The following EDA variants were observed in gnomAD, a reference collection of about 807,000 sequenced individuals.
The protein encoded by EDA is ectodysplasin A, also known as ectodysplasin-A.
A neutral mutation model predicts 23.6 loss-of-function variants in EDA; 2 were observed. The ratio of observed to expected loss-of-function variants is 0.08; its 90% CI spans 0.03 to 0.27. EDA has a LOEUF of 0.27. EDA is among the 10% of genes least tolerant of loss of function. The pLI, the probability that EDA is intolerant of heterozygous loss-of-function variation, is 1.00. For missense variants in EDA, 229 were observed against 324.2 expected, an observed-to-expected ratio of 0.71 and a Z score of 2.26; for synonymous variants, 131 against 132.0, an observed-to-expected ratio of 0.99 and a Z score of 0.05.
intron 1 of EDA, among the ~76,000 whole-genome samples, chrX:69,815,720 C>T (rs2016065749): frequency 8.9e-6 from 1 of 112,407 alleles, no homozygotes; most frequent in Non-Finnish European, 1.9e-5. Flanking sequence ...GGGGCGGCTG[C>T]CACCTCCACA....
At chrX:69,646,937 T>C (rs1006798187) in intron 1 of EDA, among the ~76,000 whole-genome samples, 1 of 111,770 alleles carries the variant, frequency 8.9e-6, no homozygotes, top group Non-Finnish European at 1.9e-5. Flanking sequence ...ATCTTATTTC[T>C]CCTTCACTTA....
intron 1 of EDA, among the ~76,000 whole-genome samples, chrX:69,693,654 G>T (rs1457339430): frequency 9.0e-6 from 1 of 111,536 alleles, no homozygotes; most frequent in South Asian, 3.7e-4. Context: ...TGTCCTTTCA[G>T]TCTTTCCGGA....
chrX:69,732,996 A>G (rs1468774573), intron 1 of EDA, among the ~76,000 whole-genome samples: 2 of 109,391 alleles, frequency 1.8e-5, no homozygotes, highest in Non-Finnish European at 3.8e-5. Flanking sequence ...GATTCTGGAT[A>G]TTAGCCCTTT....
chrX:69,829,697 A>G (rs1307436884), intron 1 of EDA, among the ~76,000 whole-genome samples: 3 of 111,966 alleles, frequency 2.7e-5, no homozygotes, highest in African/African-American at 9.7e-5. Context: ...CCATTATCAA[A>G]GTGATCTTTA....
chrX:69,800,875 A>T (rs2015667710), intron 1 of EDA, among the ~76,000 whole-genome samples: 1 of 111,494 alleles, frequency 9.0e-6, no homozygotes, highest in Non-Finnish European at 1.9e-5. Flanking sequence ...ATTATCTGTG[A>T]CCTCTGCACA....
At chrX:69,790,489 G>A (rs1220525578) in intron 1 of EDA, among the ~76,000 whole-genome samples, 1 of 111,446 alleles carries the variant, frequency 9.0e-6, no homozygotes, top group Admixed American at 9.5e-5. Flanking sequence ...TTCAGTGTGT[G>A]ACCCACTCAG....
chrX:69,616,290 G>C lies in EDA; in HGVS notation c.-19G>C, dbSNP rs1931922855. On this transcript the variant is annotated 5_prime_UTR_variant, in exon 1 of 8. Transcript: ENST00000374552. ...GCAGCGGCTCCCGGGCCTCAAGAGA[G>C]TGGGTGTCTCCGGAGGCCATGGGCT... 4.3e-6 allele frequency: 5 copies of C among 1,173,446 alleles called. No homozygotes were observed. Among genetic ancestry groups the C allele is most frequent in the Non-Finnish European group, 5.7e-6 (5 of 881,720 alleles).
chrX:69,742,758 C>T (rs2013497032), intron 1 of EDA, among the ~76,000 whole-genome samples: 1 of 110,852 alleles, frequency 9.0e-6, no homozygotes, highest in Admixed American at 9.6e-5. Flanking sequence ...CTCTTCTTGC[C>T]TGTGGCCTGG....
chrX:69,898,419 C>CAA (rs764675340), intron 1 of EDA, among the ~76,000 whole-genome samples: 1 of 94,924 alleles, frequency 1.1e-5, no homozygotes, highest in Admixed American at 1.2e-4. Flanking sequence ...GCTAAAAATA[C>CAA]AAAAAAAAAA....
intron 1 of EDA, among the ~76,000 whole-genome samples, chrX:69,808,363 A>T (rs758038489): frequency 3.6e-5 from 4 of 111,754 alleles, no homozygotes; most frequent in African/African-American, 1.3e-4. Context: ...TTACCCTCCT[A>T]GCATCAATAT....
At chrX:69,682,399 G>T (rs907886043) in intron 1 of EDA, among the ~76,000 whole-genome samples, 1 of 112,631 alleles carries the variant, frequency 8.9e-6, no homozygotes. Flanking sequence ...CCTGGGCAAT[G>T]GCGGGCGCCC....
Position 69,799,508 on chromosome X carries a change from G to T in EDA, c.397-157519G>T, listed in dbSNP as rs940473305. Among the ~76,000 whole-genome samples the T allele has an allele frequency of 3.6e-5, 4 of 110,132 alleles. No homozygotes were observed. In the East Asian group the frequency reaches 8.5e-4, roughly 23 times the overall value. On this transcript the variant is annotated intron_variant, in intron 1 of 7. Coordinates refer to ENST00000374552, the MANE Select transcript of EDA (RefSeq NM_001399.5). ...CATAAGGAGCTTAAACAACTCTATA[G>T]GAAAAAAATCTAATGATCTTATCAA...
intron 1 of EDA, among the ~76,000 whole-genome samples, chrX:69,741,237 G>A (rs1405492492): frequency 2.7e-5 from 3 of 111,204 alleles, no homozygotes; most frequent in Non-Finnish European, 3.8e-5. Context: ...AGCTGTGTGT[G>A]AGTCACACTT....
chrX:69,727,525 A>G (rs892266956), intron 1 of EDA, among the ~76,000 whole-genome samples: 1 of 112,218 alleles, frequency 8.9e-6, no homozygotes, highest in Non-Finnish European at 1.9e-5. Flanking sequence ...GGGTCTCTTT[A>G]TAAGGGAACT....
At chrX:69,682,923 G>A (rs968601584) in intron 1 of EDA, among the ~76,000 whole-genome samples, 2 of 111,316 alleles carry the variant, frequency 1.8e-5, no homozygotes, top group African/African-American at 3.3e-5. Context: ...CATGCAATAC[G>A]TTATAGATGA....
At chrX:69,850,150 C>T (rs2017096953) in intron 1 of EDA, among the ~76,000 whole-genome samples, 1 of 112,028 alleles carries the variant, frequency 8.9e-6, no homozygotes, top group Admixed American at 9.5e-5. Context: ...CTGAATCCAT[C>T]ATGTGATGAG....
intron 1 of EDA, among the ~76,000 whole-genome samples, chrX:69,667,447 T>C (rs1175121295): frequency 1.8e-5 from 2 of 111,356 alleles, no homozygotes; most frequent in Non-Finnish European, 3.8e-5. Flanking sequence ...TTATAATTTT[T>C]TCACTTTCAC....
At chrX:69,753,317 T>A (rs1028207980) in intron 1 of EDA, among the ~76,000 whole-genome samples, 1 of 112,024 alleles carries the variant, frequency 8.9e-6, no homozygotes, top group Non-Finnish European at 1.9e-5. Context: ...TTTATTTCTG[T>A]CTTCATTTCG....
chrX:69,978,070 T>C (rs1389845178), intron 2 of EDA, among the ~76,000 whole-genome samples: 1 of 110,461 alleles, frequency 9.1e-6, no homozygotes, highest in Non-Finnish European at 1.9e-5. Context: ...GGCCACAAGG[T>C]CCTTTGGCCT....
Sources: gnomAD v4.1 joint callset for allele counts (sites outside exome capture counted in the v4.1 genomes callset) on GRCh38, gnomAD v4.1.1 for gene constraint, MANE v1.5 for transcripts, NCBI Gene and HGNC (gene_info 2026-07-23, HGNC 2026-07-21) for gene names.